NCOA2: variants seen among roughly 807,000 people sequenced by gnomAD.
NCOA2 encodes the protein class E basic helix-loop-helix protein 75.
In NCOA2, 21 loss-of-function variants were observed where a neutral mutation model predicts 145.1. The ratio of observed to expected loss-of-function variants is 0.14; its 90% CI spans 0.10 to 0.21. The LOEUF is 0.21. Ranked by LOEUF, NCOA2 falls within the 10% of genes least tolerant of loss-of-function variation. NCOA2 has a pLI of 1.00. For synonymous variants in NCOA2, 619 were observed against 637.5 expected, an observed-to-expected ratio of 0.97 and a Z score of 0.44; for missense variants, 1,472 against 1,837.6, an observed-to-expected ratio of 0.80 and a Z score of 3.64.
At chr8:70,414,958 T>C in the NCOA2 span, among the ~76,000 whole-genome samples, 1 of 152,044 alleles carries the variant, frequency 6.6e-6, no homozygotes, top group Non-Finnish European at 1.5e-5. Flanking sequence ...ATAGGGTATG[T>C]TTCTTTCCAT....
At chr8:70,236,803 C>T (rs147663965) in intron 2 of NCOA2, among the ~76,000 whole-genome samples, 121 of 152,260 alleles carry the variant, frequency 7.9e-4, no homozygotes, top group African/African-American at 2.8e-3. Flanking sequence ...GGAGGATGCG[C>T]ATTATATGCA....
intron 13 of NCOA2, among the ~76,000 whole-genome samples, chr8:70,143,935 T>C (rs1192447441): frequency 3.3e-5 from 5 of 152,240 alleles, no homozygotes; most frequent in African/African-American, 9.6e-5. Context: ...GTACAGGATG[T>C]GGATGTGGTG....
Position 70,319,491 on chromosome 8 carries a change from G to A in NCOA2, c.-76-22691C>T, listed in dbSNP as rs139648386. On this transcript the variant is annotated intron_variant, in intron 1 of 22. Coordinates refer to ENST00000452400, the MANE Select transcript of NCOA2 (RefSeq NM_006540.4). ...CAGGACGTGGAGGTTACAGTGAGCC[G>A]TGATGACACCACTGCACACTAGCAT... Among the ~76,000 whole-genome samples, 37 of 151,958 alleles carry A rather than the reference G, an allele frequency of 2.4e-4. No individual in the cohort carries two copies. The Middle Eastern group carries it at 0.014, about 56-fold the overall frequency.
intron 11 of NCOA2, among the ~76,000 whole-genome samples, chr8:70,154,198 A>G (rs1011418525): frequency 4.6e-5 from 7 of 152,158 alleles, no homozygotes; most frequent in African/African-American, 1.4e-4. Context: ...TCGCAAAACA[A>G]ATTTCAAGGA....
At chr8:70,332,897 T>C (rs116498875) in intron 1 of NCOA2, among the ~76,000 whole-genome samples, 1,720 of 152,260 alleles carry the variant, frequency 0.011, 43 homozygotes, top group African/African-American at 0.039. Flanking sequence ...ATAAATTATT[T>C]TTATTCATGG....
intron 2 of NCOA2, among the ~76,000 whole-genome samples, chr8:70,263,586 C>T (rs1441625288): frequency 2.0e-5 from 3 of 151,992 alleles, no homozygotes; most frequent in Non-Finnish European, 4.4e-5. Flanking sequence ...TTGGAATACA[C>T]ATCAATATCT....
chr8:70,442,314 T>C, the NCOA2 span, among the ~76,000 whole-genome samples: 14,328 of 152,154 alleles, frequency 0.094, 1,304 homozygotes, highest in African/African-American at 0.24. Flanking sequence ...AAGTAAACTT[T>C]TAGGGCTGAA....
At chr8:70,230,582 C>G (rs1172045480) in intron 2 of NCOA2, among the ~76,000 whole-genome samples, 1 of 152,332 alleles carries the variant, frequency 6.6e-6, no homozygotes, top group East Asian at 1.9e-4. Context: ...ATTTAGAAAA[C>G]ACACTGGGGA....
At chr8:70,399,341 T>C (rs759581515) in intron 1 of NCOA2, among the ~76,000 whole-genome samples, 2 of 152,178 alleles carry the variant, frequency 1.3e-5, no homozygotes, top group African/African-American at 4.8e-5. Context: ...AAGTAAGGCA[T>C]AGAGAGGTAA....
intron 1 of NCOA2, among the ~76,000 whole-genome samples, chr8:70,398,867 G>T (rs1250169299): frequency 6.6e-6 from 1 of 152,132 alleles, no homozygotes; most frequent in African/African-American, 2.4e-5. Flanking sequence ...TGTGGTCATT[G>T]ATCAACATTT....
At chr8:70,295,852 G>C (rs1827046944) in intron 2 of NCOA2, among the ~76,000 whole-genome samples, 1 of 152,132 alleles carries the variant, frequency 6.6e-6, no homozygotes, top group Non-Finnish European at 1.5e-5. Flanking sequence ...GGCTGAGGCA[G>C]GAGAATCGCT....
At chr8:70,333,307 T>C (rs1807272978) in intron 1 of NCOA2, among the ~76,000 whole-genome samples, 2 of 152,158 alleles carry the variant, frequency 1.3e-5, no homozygotes, top group Non-Finnish European at 2.9e-5. Context: ...CACCGATGGG[T>C]ACCTTGGGGT....
intron 16 of NCOA2, among the ~76,000 whole-genome samples, chr8:70,130,606 A>G (rs1217290484): frequency 6.6e-6 from 1 of 152,182 alleles, no homozygotes; most frequent in Non-Finnish European, 1.5e-5. Context: ...TGTTTTCAAT[A>G]TGAATTGGTA....
At chr8:70,228,789 C>T (rs555724788) in intron 2 of NCOA2, among the ~76,000 whole-genome samples, 4 of 152,296 alleles carry the variant, frequency 2.6e-5, no homozygotes, top group South Asian at 4.1e-4. Context: ...AATTGCTTGA[C>T]GCCTCAGAGA....
chr8:70,450,004 C>T, the NCOA2 span, among the ~76,000 whole-genome samples: 1 of 142,946 alleles, frequency 7.0e-6, no homozygotes, highest in Non-Finnish European at 1.6e-5. Context: ...ATAATATATA[C>T]CTTTTTTTTA....
At chr8:70,282,277 T>C (rs73684266) in intron 2 of NCOA2, among the ~76,000 whole-genome samples, 3,446 of 152,282 alleles carry the variant, frequency 0.023, 127 homozygotes, top group African/African-American at 0.078. Context: ...TAAAGATATA[T>C]GATCATGCAT....
At chr8:70,338,419 A>G (rs1479137328) in intron 1 of NCOA2, among the ~76,000 whole-genome samples, 1 of 152,184 alleles carries the variant, frequency 6.6e-6, no homozygotes, top group Non-Finnish European at 1.5e-5. Context: ...ACAGACCAAT[A>G]ATGAATTCTG....
intron 1 of NCOA2, among the ~76,000 whole-genome samples, chr8:70,297,396 C>T (rs1827171393): frequency 6.6e-6 from 1 of 152,216 alleles, no homozygotes; most frequent in South Asian, 2.1e-4. Flanking sequence ...TGCAGTGGCA[C>T]TATCACAGCT....
At chr8:70,280,188 C>CATA (rs1825767175) in intron 2 of NCOA2, among the ~76,000 whole-genome samples, 1 of 152,170 alleles carries the variant, frequency 6.6e-6, no homozygotes, top group South Asian at 2.1e-4. Flanking sequence ...TAGTAGAAGC[C>CATA]ATAACCCCTT....
Sources: allele counts gnomAD v4.1 joint callset (sites outside exome capture counted in the v4.1 genomes callset), GRCh38; gene constraint gnomAD v4.1.1; transcripts MANE v1.5; gene names NCBI Gene and HGNC (gene_info 2026-07-23, HGNC 2026-07-21).